The following AFF2 variants were observed in gnomAD, a reference collection of about 807,000 sequenced individuals.
AFF2 encodes AF4/FMR2 family member 2.
AFF2 carries 14 observed loss-of-function variants against 76.9 expected under a neutral mutation model. The ratio of observed to expected loss-of-function variants is 0.18; its 90% CI spans 0.12 to 0.28. The LOEUF is 0.28. AFF2 is among the 10% of genes least tolerant of loss of function. The pLI, the probability that AFF2 is intolerant of heterozygous loss-of-function variation, is 1.00. For missense variants in AFF2, 868 were observed against 1,001.1 expected (o/e 0.87, Z 1.79); for synonymous variants, 398 against 366.7 (o/e 1.09, Z -0.98).
At chrX:148,785,123 G>A (rs909808354) in intron 3 of AFF2, among the ~76,000 whole-genome samples, 13 of 112,210 alleles carry the variant, frequency 1.2e-4, no homozygotes, top group East Asian at 5.6e-4. Flanking sequence ...ATGTGTGTAC[G>A]CATGCGCATG....
At chrX:148,924,988 C>T (rs1603341257) in intron 9 of AFF2, among the ~76,000 whole-genome samples, 2 of 112,470 alleles carry the variant, frequency 1.8e-5, no homozygotes, top group East Asian at 5.6e-4. Context: ...TTCCATCAAA[C>T]AGTAATAAAA....
intron 1 of AFF2, among the ~76,000 whole-genome samples, chrX:148,623,106 G>T (rs1603261343): frequency 9.0e-6 from 1 of 111,241 alleles, no homozygotes; most frequent in East Asian, 2.8e-4. Flanking sequence ...AGTTCTAAAG[G>T]TTATAAAGAT....
In AFF2 at chrX:148,553,988, T is replaced by A. The variant is rs946127259; in HGVS notation, c.47+52844T>A. 2.7e-5 allele frequency among the ~76,000 whole-genome samples: 3 copies of A among 110,197 alleles called. No individual in the cohort carries two copies. The Admixed American group carries it at 2.9e-4, about 11-fold the overall frequency. On this transcript the variant is annotated intron_variant, in intron 1 of 20. Coordinates refer to ENST00000370460, the MANE Select transcript of AFF2 (RefSeq NM_002025.4). The stretch of plus-strand genomic sequence containing the variant: ...TACAACATGGAAGTATGGCTAGGAG[T>A]TGAGGATGCAAAGAGGAGGGTCTAA...
chrX:148,848,876 A>G (rs1390289092), intron 7 of AFF2, among the ~76,000 whole-genome samples: 1 of 111,383 alleles, frequency 9.0e-6, no homozygotes, highest in Non-Finnish European at 1.9e-5. Flanking sequence ...AAATTTTCCT[A>G]AGGACTTAAT....
intron 16 of AFF2, 93 bp downstream of exon 16, chrX:148,973,700 A>G (rs2072287555): frequency 1.0e-6 from 1 of 963,394 alleles, no homozygotes; most frequent in Middle Eastern, 2.9e-4. Context: ...ACTTATTAAT[A>G]ATTTGTCCAA....
intron 7 of AFF2, among the ~76,000 whole-genome samples, chrX:148,864,449 A>C (rs1557276688): frequency 8.9e-6 from 1 of 111,802 alleles, no homozygotes; most frequent in Non-Finnish European, 1.9e-5. Context: ...ACTTTCCCCC[A>C]AATTCCACAA....
chrX:148,626,390 A>G (rs1378118105), intron 1 of AFF2, among the ~76,000 whole-genome samples: 2 of 110,268 alleles, frequency 1.8e-5, no homozygotes, highest in African/African-American at 6.6e-5. Context: ...ACTATGTCCA[A>G]GGTGCTGTGT....
At chrX:148,814,025 A>G (rs782435746) in intron 4 of AFF2, among the ~76,000 whole-genome samples, 296 of 112,310 alleles carry the variant, frequency 2.6e-3, no homozygotes, top group African/African-American at 9.2e-3. Flanking sequence ...AATGCATCCC[A>G]GCTTTTACAC....
chrX:148,513,342 C>A (rs1379748923), intron 1 of AFF2, among the ~76,000 whole-genome samples: 1 of 111,645 alleles, frequency 9.0e-6, no homozygotes, highest in Non-Finnish European at 1.9e-5. Flanking sequence ...GGATGTACCT[C>A]TCTGAGCCTT....
At chrX:148,838,414 C>T (rs1461255459) in intron 5 of AFF2, among the ~76,000 whole-genome samples, 4 of 111,478 alleles carry the variant, frequency 3.6e-5, no homozygotes, top group Non-Finnish European at 5.6e-5. Context: ...GAAGAAAAAC[C>T]GTCTACATGC....
chrX:148,713,064 G>A (rs2054987823), intron 3 of AFF2, among the ~76,000 whole-genome samples: 2 of 111,070 alleles, frequency 1.8e-5, no homozygotes, highest in African/African-American at 6.6e-5. Context: ...GCAAGCCATG[G>A]ACTATGTGTG....
intron 1 of AFF2, among the ~76,000 whole-genome samples, chrX:148,514,273 A>G (rs12846415): frequency 1.8e-5 from 2 of 112,101 alleles, no homozygotes; most frequent in Non-Finnish European, 3.8e-5. Flanking sequence ...AGTTAGGGCT[A>G]TTTCTTCTGG....
intron 3 of AFF2, among the ~76,000 whole-genome samples, chrX:148,711,997 G>C (rs1213374871): frequency 3.6e-5 from 4 of 111,436 alleles, no homozygotes; most frequent in African/African-American, 1.3e-4. Flanking sequence ...GGTGGTGGTG[G>C]TTGCTCATCT....
At chrX:148,537,415 A>C (rs144499665) in intron 1 of AFF2, among the ~76,000 whole-genome samples, 1,717 of 111,947 alleles carry the variant, frequency 0.015, 26 homozygotes, top group African/African-American at 0.054. Flanking sequence ...CCCTGAATTC[A>C]AAGATGAGTT....
At chrX:148,821,628 C>G (rs1557272550) in intron 4 of AFF2, among the ~76,000 whole-genome samples, 2 of 101,556 alleles carry the variant, frequency 2.0e-5, no homozygotes, top group African/African-American at 7.3e-5. Flanking sequence ...TGGTGACCTC[C>G]TATCTACACC....
chrX:148,616,563 C>CT lies in AFF2; in HGVS notation c.48-35426dup, dbSNP rs782081096. The stretch of plus-strand genomic sequence containing the variant: ...ATTTAAAATAAAAGGACAACATTTT[C>CT]TTTTTTTTTTAAATTTTATTATTAT... On this transcript the variant is annotated intron_variant, in intron 1 of 20. Coordinates refer to ENST00000370460, the MANE Select transcript of AFF2 (RefSeq NM_002025.4). Among the ~76,000 whole-genome samples the CT allele has an allele frequency of 5.8e-3, 612 of 106,070 alleles. 4 individuals are homozygous for CT. Among genetic ancestry groups the CT allele is most frequent in the African/African-American group, 0.02 (591 of 29,239 alleles). The allele number at this position is 106,070 out of a possible 115,157, so 92.1% of individuals were successfully genotyped here.
At chrX:148,895,333 A>G (rs1470333826) in intron 8 of AFF2, among the ~76,000 whole-genome samples, 1 of 111,856 alleles carries the variant, frequency 8.9e-6, no homozygotes, top group Non-Finnish European at 1.9e-5. Context: ...GCAACATTAA[A>G]TTCACACAGA....
At chrX:148,643,475 C>T (rs1430582807) in intron 1 of AFF2, among the ~76,000 whole-genome samples, 10 of 111,514 alleles carry the variant, frequency 9.0e-5, no homozygotes, top group African/African-American at 1.3e-4. Flanking sequence ...CTGTTACAAA[C>T]GGGTCAATGA....
chrX:148,641,117 C>CT (rs199554655), intron 1 of AFF2, among the ~76,000 whole-genome samples: 2,360 of 107,523 alleles, frequency 0.022, 70 homozygotes, highest in African/African-American at 0.072. Context: ...TTTATTATGT[C>CT]TTTTTTTTTT....
Sources: allele counts gnomAD v4.1 joint callset (sites outside exome capture counted in the v4.1 genomes callset), GRCh38; gene constraint gnomAD v4.1.1; transcripts MANE v1.5; gene names NCBI Gene and HGNC (gene_info 2026-07-23, HGNC 2026-07-21).